Variants in TXLNB observed in about 807,000 individuals in gnomAD.
The protein encoded by TXLNB is taxilin beta.
TXLNB carries 37 observed loss-of-function variants against 57.4 expected under a neutral mutation model. The ratio of observed to expected loss-of-function variants is 0.64; its 90% CI spans 0.50 to 0.85. The LOEUF (loss-of-function observed/expected upper bound fraction) is 0.85. Among genes scored for constraint, TXLNB ranks in the 40% least tolerant of loss-of-function variants. The pLI is 0.00. For missense variants in TXLNB, 848 were observed against 825.6 expected (o/e 1.03, Z -0.33); for synonymous variants, 302 against 309.6 (o/e 0.98, Z 0.26).
the TXLNB span, chr6:139,177,168 T>C: frequency 1.4e-6 from 1 of 700,960 alleles, no homozygotes; most frequent in East Asian, 2.8e-5. The surrounding 1 kb of genome is among the most constrained non-coding windows in gnomAD (Gnocchi z 4.9). Context: ...ATATCTTTTA[T>C]AGGGAAACAT....
the TXLNB span, among the ~76,000 whole-genome samples, chr6:139,193,249 T>G: frequency 0.02 from 2,993 of 147,392 alleles, 130 homozygotes; most frequent in African/African-American, 0.071. Flanking sequence ...CTCTTTTTTT[T>G]TTTTTTTTTT....
At chr6:139,197,318 T>C in the TXLNB span, among the ~76,000 whole-genome samples, 3 of 151,462 alleles carry the variant, frequency 2.0e-5, no homozygotes, top group African/African-American at 7.3e-5. Flanking sequence ...TGTATCATAT[T>C]TGTTGTCTGT....
intron 9 of TXLNB, 93 bp from the exon 10 acceptor site, chr6:139,243,407 T>C: frequency 1.5e-6 from 2 of 1,356,622 alleles, no homozygotes; most frequent in Non-Finnish European, 2.0e-6. Context: ...AGCAAAACTA[T>C]TTGTCCCAGA....
the TXLNB span, among the ~76,000 whole-genome samples, chr6:139,221,213 C>T: frequency 6.6e-6 from 1 of 152,154 alleles, no homozygotes; most frequent in African/African-American, 2.4e-5. Context: ...TTTCATGGGG[C>T]ATCAGAAACA....
At chr6:139,260,247 A>T in intron 6 of TXLNB, 71 bp downstream of exon 6, 2 of 1,521,816 alleles carry the variant, frequency 1.3e-6, no homozygotes, top group East Asian at 2.3e-5. Context: ...AATAAATACA[A>T]AACAACTTGC....
At chr6:139,251,524 C>G (rs1331871490) in intron 7 of TXLNB, 1 of 152,192 alleles carries the variant, frequency 6.6e-6, no homozygotes, top group Non-Finnish European at 1.5e-5. Context: ...ATCGTGCTGA[C>G]AGGATACATG....
intron 5 of TXLNB, among the ~76,000 whole-genome samples, chr6:139,262,277 G>A (rs1776502788): frequency 6.6e-6 from 1 of 152,158 alleles, no homozygotes; most frequent in African/African-American, 2.4e-5. Context: ...TTTGGCTATA[G>A]AGAGAGGATT....
At chr6:139,282,961 A>C (rs1777087670) in intron 2 of TXLNB, 1 of 145,424 alleles carries the variant, frequency 6.9e-6, no homozygotes. Flanking sequence ...CTCCCAGCCC[A>C]CATAATGTTG....
At chr6:139,280,375 T>C (rs1233147562) in intron 2 of TXLNB, among the ~76,000 whole-genome samples, 1 of 152,212 alleles carries the variant, frequency 6.6e-6, no homozygotes, top group East Asian at 1.9e-4. Flanking sequence ...ATAGTAATGA[T>C]TGTTTATACT....
the TXLNB span, among the ~76,000 whole-genome samples, chr6:139,219,622 A>G: frequency 6.6e-6 from 1 of 152,210 alleles, no homozygotes; most frequent in African/African-American, 2.4e-5. Flanking sequence ...CTGGGCTAAA[A>G]TAAGCAGGTT....
the TXLNB span, among the ~76,000 whole-genome samples, chr6:139,207,191 C>A: frequency 6.6e-5 from 10 of 152,162 alleles, no homozygotes; most frequent in African/African-American, 9.7e-5. Context: ...TTATTCTCAT[C>A]AGCATGTGGA....
chr6:139,281,319 C>T (rs1222785167), intron 2 of TXLNB, among the ~76,000 whole-genome samples: 1 of 152,156 alleles, frequency 6.6e-6, no homozygotes, highest in Admixed American at 6.5e-5. Context: ...CAAAGGTTCT[C>T]TTACTCCTCA....
rs779899216 is a variant in TXLNB, at chr6:139,270,624, C to G, written c.519G>C (p.Leu173=). The G allele has an allele frequency of 1.9e-6, 3 of 1,613,574 alleles. No homozygotes were observed. In the African/African-American group the frequency reaches 4.0e-5, roughly 22 times the overall value. ...DFLFKKYAEL[L]DEHRTEQKKL... is the part of the protein sequence containing the mutation. ...TCTTTTGCTCAGTACGATGTTCATCCAGCTGTACACATGGAGATACAAACA... is the reference window on the plus strand; with the variant it reads ...TCTTTTGCTCAGTACGATGTTCATCGAGCTGTACACATGGAGATACAAACA... The change falls in exon 4 of 10, where the codon CTG becomes CTC. Residue 173 remains leucine, a splice_region_variant and synonymous_variant. Transcript: ENST00000358430.
Position 139,276,939 on chromosome 6 carries a change from T to C in TXLNB, c.425-18A>G. 6.4e-7 allele frequency: 1 copy of C among 1,562,628 alleles called. No individual in the cohort carries two copies. Among genetic ancestry groups the C allele is most frequent in the Non-Finnish European group, 8.7e-7 (1 of 1,155,058 alleles). ...TTCTTTGCCTTAAAAAAAAAAGACA[T>C]GAAAAAAATAAGTGTTGAATTTACA... is the stretch of plus-strand genomic sequence containing the variant. On this transcript the variant is annotated intron_variant, in intron 2 of 9. Transcript: ENST00000358430.
At chr6:139,317,010 G>C in the TXLNB span, among the ~76,000 whole-genome samples, 8 of 152,034 alleles carry the variant, frequency 5.3e-5, no homozygotes, top group African/African-American at 1.9e-4. Context: ...TTTTTCCCTC[G>C]GGGAATCTGA....
the TXLNB span, among the ~76,000 whole-genome samples, chr6:139,321,849 G>A: frequency 1.3e-5 from 2 of 151,850 alleles, no homozygotes; most frequent in Non-Finnish European, 2.9e-5. Context: ...AGCCAGGATG[G>A]TCTCGATCTC....
the TXLNB span, among the ~76,000 whole-genome samples, chr6:139,297,040 A>G: frequency 3.9e-5 from 6 of 152,122 alleles, no homozygotes; most frequent in African/African-American, 1.4e-4. Flanking sequence ...CAGGGAAATC[A>G]GCTTGCCCCT....
At chr6:139,323,282 G>GT in the TXLNB span, among the ~76,000 whole-genome samples, 9,887 of 134,424 alleles carry the variant, frequency 0.074, 565 homozygotes, top group African/African-American at 0.16. Context: ...AATTTGTTTA[G>GT]TTTTTTTTTT....
the TXLNB span, among the ~76,000 whole-genome samples, chr6:139,198,729 G>A: frequency 6.6e-6 from 1 of 152,132 alleles, no homozygotes; most frequent in Non-Finnish European, 1.5e-5. Context: ...CAGAGGCTCT[G>A]TTCCTCTATG....
Sources: allele counts gnomAD v4.1 joint callset (sites outside exome capture counted in the v4.1 genomes callset), GRCh38; gene constraint gnomAD v4.1.1; non-coding constraint Gnocchi (gnomAD v3.1); transcripts MANE v1.5; gene names NCBI Gene and HGNC (gene_info 2026-07-23, HGNC 2026-07-21).